Variants in HMSD observed in about 807,000 individuals in gnomAD.
The protein encoded by HMSD is serpin-like protein HMSD.
HMSD carries 13 observed loss-of-function variants against 10.0 expected under a neutral mutation model. That is an observed-to-expected ratio of 1.31 (90% CI 0.85 to 2.08). The LOEUF is 2.08. HMSD is among the 30% of genes most tolerant of loss of function. The pLI is 0.00. For synonymous variants in HMSD, 51 were observed against 54.2 expected, an observed-to-expected ratio of 0.94 and a Z score of 0.26; for missense variants, 169 against 166.3, an observed-to-expected ratio of 1.02 and a Z score of -0.09.
At chr18:63,963,113 CTTTCTTTCTTTCTTT>C (rs2050395475), downstream of HMSD, among the ~76,000 whole-genome samples, 2 of 132,062 alleles carry the variant, frequency 1.5e-5, no homozygotes, top group African/African-American at 2.9e-5. Context: ...TTCTTTCTTT[CTTTCTTTCTTTCTTT>C]CTTTCCTTTC....
At chr18:63,954,316 T>C in intron 2 of HMSD, 92 bp from the exon 3 acceptor site, 1 of 901,184 alleles carries the variant, frequency 1.1e-6, no homozygotes, top group Non-Finnish European at 1.7e-6. Context: ...TAAGCATCTG[T>C]AAATCTCATA....
In HMSD at chr18:63,960,236, A is replaced by G. The variant is rs542316190; in HGVS notation, c.301A>G (p.Thr101Ala). The G allele has an allele frequency of 6.2e-7, 1 of 1,613,480 alleles. No homozygotes were observed. Among genetic ancestry groups the G allele is most frequent in the Non-Finnish European group, 8.5e-7 (1 of 1,179,800 alleles). The change falls in exon 4 of 4, where the codon ACA becomes GCA. Residue 101 changes from threonine (T) to alanine (A), a missense_variant. Coordinates refer to ENST00000408945, the MANE Select transcript of HMSD (RefSeq NM_001123366.2). The stretch of plus-strand genomic sequence containing the variant: ...CTTTGTGAATGATACAGAGAAGTCC[A>G]CAACACGTGTAAACTCCTGGGTTGC... Reference protein sequence around the residue: ...LDFVNDTEKSTTRVNSWVADK... With the variant: ...LDFVNDTEKSATRVNSWVADK...
chr18:63,953,907 G>A (rs2050343784), intron 2 of HMSD, among the ~76,000 whole-genome samples: 1 of 152,216 alleles, frequency 6.6e-6, no homozygotes, highest in Non-Finnish European at 1.5e-5. Context: ...GGTTACAAGA[G>A]AGGGAAAGTG....
intron 1 of HMSD, among the ~76,000 whole-genome samples, chr18:63,949,665 T>C (rs977132562): frequency 1.3e-5 from 2 of 151,876 alleles, no homozygotes; most frequent in African/African-American, 2.4e-5. Context: ...GGCGCGGAGC[T>C]GGGGGGTGAA....
intron 3 of HMSD, chr18:63,968,153 A>T (rs61744568): frequency 0.047 from 7,210 of 151,964 alleles, 200 homozygotes; most frequent in Non-Finnish European, 0.056. Flanking sequence ...CCTCCTCTCC[A>T]TTTCTCCTGC....
chr18:63,949,570 G>C (rs139333942), intron 1 of HMSD, among the ~76,000 whole-genome samples, 170 bp downstream of exon 1: 2 of 152,336 alleles, frequency 1.3e-5, no homozygotes, highest in African/African-American at 4.8e-5. Context: ...GTCTCTGGCG[G>C]GGGCTCCCTA....
downstream of HMSD, among the ~76,000 whole-genome samples, chr18:63,963,111 TTC>T (rs1215545649): frequency 7.0e-6 from 1 of 143,482 alleles, no homozygotes; most frequent in Non-Finnish European, 1.5e-5. Context: ...CTTTCTTTCT[TTC>T]TTTCTTTCTT....
chr18:63,960,497 T>C lies in HMSD; in HGVS notation c.*142T>C. On this transcript the variant is annotated 3_prime_UTR_variant, in exon 4 of 4. Transcript: ENST00000408945. ...ATGTCTCTCTAGATGAAATAATCTCTTCCAGGTTTTTTTGCTTGTTAATAT... is the reference window on the plus strand; with the variant it reads ...ATGTCTCTCTAGATGAAATAATCTCCTCCAGGTTTTTTTGCTTGTTAATAT... 1 of 1,259,970 alleles carries C rather than the reference T, an allele frequency of 7.9e-7. No individual in the cohort carries two copies. Among genetic ancestry groups the C allele is most frequent in the Non-Finnish European group, 1.0e-6 (1 of 956,834 alleles). 78.0% of individuals were successfully genotyped at this position (1,259,970 alleles called of 1,614,324 possible).
At chr18:63,951,771 T>A (rs2050331837) in intron 1 of HMSD, among the ~76,000 whole-genome samples, 1 of 152,170 alleles carries the variant, frequency 6.6e-6, no homozygotes, top group South Asian at 2.1e-4. Flanking sequence ...TCATCAGCCC[T>A]AAATTAGGAA....
downstream of HMSD, chr18:63,966,560 A>G (rs1486131895): frequency 6.6e-6 from 1 of 152,248 alleles, no homozygotes; most frequent in Non-Finnish European, 1.5e-5. Flanking sequence ...CACAGATCAC[A>G]TACACGGACA....
intron 3 of HMSD, among the ~76,000 whole-genome samples, chr18:63,959,489 G>A (rs1036984891): frequency 6.6e-6 from 1 of 152,144 alleles, no homozygotes; most frequent in Non-Finnish European, 1.5e-5. Flanking sequence ...ATTCGTTATT[G>A]TCTGAGAGCA....
downstream of HMSD, among the ~76,000 whole-genome samples, chr18:63,963,297 C>T (rs111973179): frequency 9.4e-3 from 1,417 of 151,244 alleles, 27 homozygotes; most frequent in African/African-American, 0.033. Flanking sequence ...GACAGAGTAT[C>T]GCTCTGTCAC....
At chr18:63,967,844 C>G (rs534438883) in intron 3 of HMSD, 2 of 152,096 alleles carry the variant, frequency 1.3e-5, no homozygotes, top group Non-Finnish European at 2.9e-5. Flanking sequence ...GAGTGGGGAG[C>G]CTGTTCAGGC....
At chr18:63,962,399 G>C (rs1398930953), downstream of HMSD, among the ~76,000 whole-genome samples, 1 of 152,220 alleles carries the variant, frequency 6.6e-6, no homozygotes, top group African/African-American at 2.4e-5. Flanking sequence ...AGTGCAGGAA[G>C]AGTAGGGACC....
intron 1 of HMSD, among the ~76,000 whole-genome samples, chr18:63,951,448 G>A (rs1382817885): frequency 2.0e-5 from 3 of 150,384 alleles, no homozygotes; most frequent in Admixed American, 2.0e-4. Flanking sequence ...CTCACCAGCA[G>A]GGGGGAAACT....
intron 2 of HMSD, among the ~76,000 whole-genome samples, chr18:63,953,956 A>G (rs1270294606): frequency 6.6e-6 from 1 of 152,234 alleles, no homozygotes; most frequent in Admixed American, 6.5e-5. Flanking sequence ...CCTGGAACAG[A>G]GCCAGTTCTG....
intron 1 of HMSD, among the ~76,000 whole-genome samples, chr18:63,950,711 AAAAAAG>A (rs1015236648): frequency 6.6e-6 from 1 of 150,580 alleles, no homozygotes; most frequent in African/African-American, 2.5e-5. Context: ...CATTTGGCAA[AAAAAAG>A]AAAAAAGCAA....
Position 63,953,495 on chromosome 18 carries a change from G to C in HMSD, c.40G>C (p.Ala14Pro). Residue 14 changes from alanine to proline, a missense_variant, in exon 2 of 4, where the codon GCA becomes CCA. By Grantham distance (27) the Ala-to-Pro change is conservative. Transcript: ENST00000408945. The part of the protein sequence containing the change: ...SSALAMVFMG[A>P]KGNTAAQMSQ... ...AGCCTTGGCCATGGTTTTCATGGGG[G>C]CAAAGGGAAACACTGCAGCTCAGAT... 1 of 1,613,824 alleles carries C rather than the reference G, an allele frequency of 6.2e-7. No individual in the cohort carries two copies. The highest frequency in any genetic ancestry group is 1.3e-5 in the African/African-American group (1 of 75,010).
At chr18:63,950,939 A>T (rs1374956695) in intron 1 of HMSD, among the ~76,000 whole-genome samples, 1 of 152,216 alleles carries the variant, frequency 6.6e-6, no homozygotes, top group African/African-American at 2.4e-5. Context: ...AAAAGTATTA[A>T]AATAAGCATT....
Sources: gnomAD v4.1 joint callset for allele counts (sites outside exome capture counted in the v4.1 genomes callset) on GRCh38, gnomAD v4.1.1 for gene constraint, MANE v1.5 for transcripts, NCBI Gene and HGNC (gene_info 2026-07-23, HGNC 2026-07-21) for gene names.